PTPRT: variants seen among roughly 807,000 people sequenced by gnomAD.
The protein encoded by PTPRT is protein tyrosine phosphatase receptor type T.
Under a neutral mutation model 176.8 loss-of-function variants are expected in PTPRT, and 56 were observed. The observed-to-expected ratio is 0.32, with a 90% CI of 0.26 to 0.40. PTPRT has a LOEUF of 0.40. PTPRT is among the 10% of genes least tolerant of loss of function. The pLI, the probability that PTPRT is intolerant of heterozygous loss-of-function variation, is 1.00. For missense variants in PTPRT, 1,540 were observed against 1,908.2 expected, an observed-to-expected ratio of 0.81 and a Z score of 3.60; for synonymous variants, 783 against 739.0, an observed-to-expected ratio of 1.06 and a Z score of -0.96.
chr20:42,774,839 C>A (rs900050810), intron 4 of PTPRT, among the ~76,000 whole-genome samples: 1 of 152,192 alleles, frequency 6.6e-6, no homozygotes, highest in African/African-American at 2.4e-5. Context: ...TGGCTCATGA[C>A]AGGCAGTGCT....
At chr20:42,553,282 G>T (rs564574484) in intron 7 of PTPRT, among the ~76,000 whole-genome samples, 22 of 152,150 alleles carry the variant, frequency 1.4e-4, no homozygotes, top group African/African-American at 5.3e-4. Flanking sequence ...ACACACACCA[G>T]TCTTTCTTCT....
intron 6 of PTPRT, chr20:42,685,407 C>G (rs544809893): frequency 6.6e-6 from 1 of 152,298 alleles, no homozygotes; most frequent in South Asian, 2.1e-4. Flanking sequence ...ACCCTCCTTT[C>G]TCAGATGTGA....
chr20:42,068,007 TC>T (rs1346000713), downstream of PTPRT, among the ~76,000 whole-genome samples: 1 of 152,110 alleles, frequency 6.6e-6, no homozygotes, highest in Admixed American at 6.5e-5. Context: ...TCTTACAGGG[TC>T]TGCTTGTTCT....
At chr20:43,128,103 T>C (rs990595458) in intron 1 of PTPRT, among the ~76,000 whole-genome samples, 8 of 152,118 alleles carry the variant, frequency 5.3e-5, no homozygotes, top group Admixed American at 5.2e-4. Flanking sequence ...GCAGGGTTAG[T>C]TAGATGTAAC....
At chr20:42,261,336 C>T (rs748197145) in intron 13 of PTPRT, among the ~76,000 whole-genome samples, 1 of 151,278 alleles carries the variant, frequency 6.6e-6, no homozygotes, top group African/African-American at 2.5e-5. Flanking sequence ...GTAAGGACAC[C>T]GGGCATATTG....
intron 15 of PTPRT, among the ~76,000 whole-genome samples, chr20:42,221,739 A>C (rs2055891247): frequency 6.6e-6 from 1 of 151,516 alleles, no homozygotes; most frequent in Non-Finnish European, 1.5e-5. Context: ...AGGCTTTCTC[A>C]AATTCCTGAC....
intron 4 of PTPRT, among the ~76,000 whole-genome samples, chr20:42,776,789 T>C (rs895135983): frequency 5.4e-5 from 8 of 148,430 alleles, no homozygotes; most frequent in Non-Finnish European, 8.9e-5. Context: ...GTAAATTATA[T>C]GATTATATAA....
At chr20:43,010,156 T>A (rs1339363586) in intron 1 of PTPRT, among the ~76,000 whole-genome samples, 5 of 152,152 alleles carry the variant, frequency 3.3e-5, no homozygotes, top group Non-Finnish European at 7.4e-5. Context: ...CCTGTCTCCA[T>A]GTCGTGAACT....
chr20:43,155,744 T>A (rs1397202129), intron 1 of PTPRT, among the ~76,000 whole-genome samples: 6 of 152,342 alleles, frequency 3.9e-5, no homozygotes, highest in Middle Eastern at 6.8e-3. Context: ...GATTTAACCA[T>A]TCTGCAATGT....
At chr20:43,011,194 A>C (rs1168901851) in intron 1 of PTPRT, among the ~76,000 whole-genome samples, 1 of 152,174 alleles carries the variant, frequency 6.6e-6, no homozygotes. Flanking sequence ...TCTACTAAGC[A>C]TTAGGCAGGC....
In PTPRT at chr20:42,483,460, C is replaced by T. The variant is rs2071419408; in HGVS notation, c.1154-10898G>A. ...GATTACAGGTATGAGCCATCGTGTC[C>T]AGCCTCCACTCGTTCTTTAGGCCTT... On this transcript the variant is annotated intron_variant, in intron 7 of 30. Transcript: ENST00000373187. Among the ~76,000 whole-genome samples the T allele has an allele frequency of 2.6e-5, 4 of 152,202 alleles. No homozygotes were observed. In the South Asian group the frequency reaches 8.3e-4, roughly 31 times the overall value.
chr20:42,628,332 C>A (rs1313302400), intron 7 of PTPRT, among the ~76,000 whole-genome samples: 1 of 152,150 alleles, frequency 6.6e-6, no homozygotes, highest in African/African-American at 2.4e-5. Context: ...CAAGTCTCTG[C>A]AGCTCACCTG....
At chr20:43,058,838 G>C (rs914939889) in intron 1 of PTPRT, among the ~76,000 whole-genome samples, 6 of 152,070 alleles carry the variant, frequency 3.9e-5, no homozygotes, top group African/African-American at 1.4e-4. Flanking sequence ...GTCTTACAGA[G>C]AGAGCAACAG....
intron 5 of PTPRT, 33 bp from the exon 6 acceptor site, chr20:42,756,669 A>G: frequency 6.7e-7 from 1 of 1,500,554 alleles, no homozygotes; most frequent in South Asian, 1.3e-5. Context: ...GAGAGGAGGA[A>G]TCATAGCATC....
At chr20:42,393,569 C>T (rs2058820969) in intron 9 of PTPRT, among the ~76,000 whole-genome samples, 1 of 152,308 alleles carries the variant, frequency 6.6e-6, no homozygotes, top group East Asian at 1.9e-4. Context: ...TACACCATTT[C>T]TCAATAACAC....
intron 9 of PTPRT, among the ~76,000 whole-genome samples, chr20:42,363,311 T>A (rs1439859385): frequency 9.5e-6 from 1 of 105,654 alleles, no homozygotes; most frequent in African/African-American, 3.8e-5. Context: ...TTTTTTTTTT[T>A]TTTTTTTTTT....
intron 11 of PTPRT, among the ~76,000 whole-genome samples, chr20:42,317,870 T>C (rs187459182): frequency 2.4e-4 from 36 of 152,306 alleles, no homozygotes; most frequent in Admixed American, 2.3e-3. Flanking sequence ...ACCATGCCTG[T>C]TGTACATACA....
At chr20:43,141,864 T>A (rs1317137290) in intron 1 of PTPRT, among the ~76,000 whole-genome samples, 1 of 152,170 alleles carries the variant, frequency 6.6e-6, no homozygotes, top group African/African-American at 2.4e-5. Context: ...GTGCCCGTGG[T>A]TGAGTATCCA....
chr20:42,469,587 T>C (rs190222035), intron 8 of PTPRT, among the ~76,000 whole-genome samples: 2 of 152,254 alleles, frequency 1.3e-5, no homozygotes, highest in Non-Finnish European at 2.9e-5. Context: ...AGAGTGTACA[T>C]TGTCTGACAG....
Sources: gnomAD v4.1 joint callset for allele counts (sites outside exome capture counted in the v4.1 genomes callset) on GRCh38, gnomAD v4.1.1 for gene constraint, MANE v1.5 for transcripts, NCBI Gene and HGNC (gene_info 2026-07-23, HGNC 2026-07-21) for gene names.